The following NMT1 variants were observed in gnomAD, a reference collection of about 807,000 sequenced individuals.
NMT1 encodes N-myristoyltransferase 1.
In NMT1, 12 loss-of-function variants were observed where a neutral mutation model predicts 63.4. The ratio of observed to expected loss-of-function variants is 0.19; its 90% CI spans 0.12 to 0.31. The LOEUF (loss-of-function observed/expected upper bound fraction) is 0.31, where lower values mean the gene tolerates loss of function less well. Among genes scored for constraint, NMT1 ranks in the 10% least tolerant of loss-of-function variants. NMT1 has a pLI of 1.00. For synonymous variants in NMT1, 228 were observed against 234.3 expected, an observed-to-expected ratio of 0.97 and a Z score of 0.25; for missense variants, 432 against 634.6, an observed-to-expected ratio of 0.68 and a Z score of 3.43.
chr17:45,065,640 A>G (rs2053897727), intron 1 of NMT1, among the ~76,000 whole-genome samples: 2 of 151,158 alleles, frequency 1.3e-5, no homozygotes, highest in African/African-American at 2.4e-5. Flanking sequence ...AAAAAAAAAA[A>G]AAAAGAAATA....
At position 45,071,549 on chromosome 17, in the gene NMT1, T is replaced by C. The variant is rs115883865; in HGVS notation, c.131+10089T>C. 1.7e-3 allele frequency: 265 copies of C among 152,232 alleles called. 1 individual carries two copies. Among genetic ancestry groups the C allele is most frequent in the African/African-American group, 6.3e-3 (263 of 41,548 alleles). The allele number at this position is 152,232 out of a possible 1,614,324, so 9.4% of individuals were successfully genotyped here. ...CTTCACTTGACTAGCCTTTGAAAAA[T>C]AAAAGTAAAAAGCAAGTGGCCATGA... On this transcript the variant is annotated intron_variant, in intron 1 of 11. Transcript: ENST00000258960.
chr17:45,105,744 A>G lies in NMT1; in HGVS notation c.*105A>G. 1 of 1,164,350 alleles carries G rather than the reference A, an allele frequency of 8.6e-7. No homozygotes were observed. The highest frequency in any genetic ancestry group is 2.7e-4 in the Middle Eastern group (1 of 3,734). 72.1% of individuals were successfully genotyped at this position (1,164,350 alleles called of 1,614,324 possible). On this transcript the variant is annotated 3_prime_UTR_variant, in exon 12 of 12. Transcript: ENST00000258960. This position sits in a 1 kb window ranked among gnomAD's most constrained non-coding sequence, Gnocchi z 4.2. ...TTCACACACGTGAGAATCCCTGGCA[A>G]AGGGAGCAGAACTGAACCGGCTTTA...
In NMT1 at chr17:45,104,528, G is replaced by A. The variant is rs1237965238; in HGVS notation, c.1333-331G>A. On this transcript the variant is annotated intron_variant, in intron 10 of 11. Coordinates refer to ENST00000258960, the MANE Select transcript of NMT1 (RefSeq NM_021079.5). This position sits in a 1 kb window ranked among gnomAD's most constrained non-coding sequence, Gnocchi z 4.2. ...ACCAGAGCCAGCTTCTCAGAGGAAT[G>A]GGCTCAGGGTTTGGACTCCAGAGAG... 8.8e-7 allele frequency: 1 copy of A among 1,133,272 alleles called. No homozygotes were observed. Among genetic ancestry groups the A allele is most frequent in the African/African-American group, 1.6e-5 (1 of 62,940 alleles). The allele number at this position is 1,133,272 out of a possible 1,614,324, so 70.2% of individuals were successfully genotyped here.
At chr17:45,067,785 TAAAA>T (rs2053912361) in intron 1 of NMT1, among the ~76,000 whole-genome samples, 2 of 152,136 alleles carry the variant, frequency 1.3e-5, no homozygotes. Flanking sequence ...AAATGGCAAT[TAAAA>T]AGAAACTAAT....
At chr17:45,063,974 C>G (rs6503413) in intron 1 of NMT1, among the ~76,000 whole-genome samples, 1 of 151,740 alleles carries the variant, frequency 6.6e-6, no homozygotes, top group African/African-American at 2.4e-5. Context: ...ATCACGAGGT[C>G]AAGAGATTGA....
chr17:45,088,293 T>G (rs896913905), intron 3 of NMT1, among the ~76,000 whole-genome samples: 1 of 152,238 alleles, frequency 6.6e-6, no homozygotes, highest in Non-Finnish European at 1.5e-5. Context: ...GAGCCACACA[T>G]CTCACCTCTG....
chr17:45,073,432 TGTA>T (rs1402825162), intron 1 of NMT1, among the ~76,000 whole-genome samples: 1 of 150,354 alleles, frequency 6.7e-6, no homozygotes, highest in Admixed American at 6.7e-5. Context: ...AAAAAAAAGA[TGTA>T]GTCCCTATTC....
intron 3 of NMT1, among the ~76,000 whole-genome samples, chr17:45,090,606 G>A (rs1397425693): frequency 1.3e-5 from 2 of 152,088 alleles, no homozygotes; most frequent in Admixed American, 6.5e-5. Flanking sequence ...TTGGTTTAAT[G>A]TTTTCCGCAT....
intron 1 of NMT1, among the ~76,000 whole-genome samples, chr17:45,081,159 C>T (rs772710354): frequency 6.6e-6 from 1 of 152,198 alleles, no homozygotes; most frequent in Non-Finnish European, 1.5e-5. Context: ...CCTTTTCATA[C>T]TGTCTTGTGC....
At chr17:45,101,326 A>G (rs2054164265) in intron 8 of NMT1, among the ~76,000 whole-genome samples, 1 of 147,594 alleles carries the variant, frequency 6.8e-6, no homozygotes, top group Admixed American at 6.7e-5. Flanking sequence ...CCCAGTAGGG[A>G]TTCTTAAAAT....
At chr17:45,073,712 C>T (rs75223156) in intron 1 of NMT1, among the ~76,000 whole-genome samples, 5,153 of 152,218 alleles carry the variant, frequency 0.034, 297 homozygotes, top group African/African-American at 0.12. Context: ...TTACAGGGAA[C>T]GAAGCCATAG....
At position 45,096,283 on chromosome 17, in the gene NMT1, G is replaced by C; in HGVS notation, c.594G>C (p.Leu198Phe). 1 of 1,612,374 alleles carries C rather than the reference G, an allele frequency of 6.2e-7. No individual in the cohort carries two copies. Among genetic ancestry groups the C allele is most frequent in the Non-Finnish European group, 8.5e-7 (1 of 1,178,382 alleles). ...TTGATTATTCCCCGGAGTTTCTTTT[G>C]TGGTAAGTTGTGGGGGCTTTCTTGA... is the stretch of plus-strand genomic sequence containing the variant. ...FRFDYSPEFL[L>F]WALRPPGWLP... The change falls in exon 5 of 12, where the codon TTG becomes TTC. Residue 198 changes from leucine (L) to phenylalanine (F), a missense_variant and splice_region_variant. Around this residue, in one of 4 missense-constraint regions of NMT1, gnomAD observed 295 missense variants for 489.7 expected, o/e 0.60. Transcript: ENST00000258960.
chr17:45,100,478 G>C (rs2054154451), intron 8 of NMT1, among the ~76,000 whole-genome samples: 1 of 151,938 alleles, frequency 6.6e-6, no homozygotes, highest in Non-Finnish European at 1.5e-5. Context: ...TGAGGCAGGA[G>C]AATGGCATGG....
At chr17:45,097,790 A>G (rs999029575) in intron 6 of NMT1, among the ~76,000 whole-genome samples, 1 of 152,166 alleles carries the variant, frequency 6.6e-6, no homozygotes, top group Non-Finnish European at 1.5e-5. Context: ...GATTACAGGC[A>G]TGCGCCACCA....
intron 4 of NMT1, among the ~76,000 whole-genome samples, chr17:45,094,409 C>T (rs1456541841): frequency 6.6e-6 from 1 of 150,518 alleles, no homozygotes; most frequent in East Asian, 2.0e-4. Context: ...AGGAGAATCT[C>T]GTGAACCTGG....
intron 3 of NMT1, among the ~76,000 whole-genome samples, chr17:45,088,145 T>G (rs1250557534): frequency 6.6e-6 from 1 of 152,106 alleles, no homozygotes; most frequent in Non-Finnish European, 1.5e-5. Context: ...GGGTGCTGAT[T>G]CCCCCATCAC....
chr17:45,081,654 C>G lies in NMT1; in HGVS notation c.142C>G (p.Pro48Ala), dbSNP rs1192808116. The change falls in exon 2 of 12, where the codon CCA (proline) becomes GCA (alanine). Residue 48 changes from proline to alanine, a missense_variant. Coordinates refer to ENST00000258960, the MANE Select transcript of NMT1 (RefSeq NM_021079.5). ...TACTTTTTGTTACAGTGGTTTGAGT[C>G]CAGCCAATGACACTGGAGCCAAAAA... is the stretch of plus-strand genomic sequence containing the variant. ...DNSYNRGGLS[P>A]ANDTGAKKKK... 1.2e-6 allele frequency: 2 copies of G among 1,612,126 alleles called. No individual in the cohort carries two copies. The highest frequency in any genetic ancestry group is 1.7e-6 in the Non-Finnish European group (2 of 1,179,498).
In NMT1 at chr17:45,061,366, G is replaced by C. The variant is rs1424340537; in HGVS notation, c.37G>C (p.Ala13Pro). The change falls in exon 1 of 12, where the codon GCA (alanine) becomes CCA (proline). Residue 13 changes from alanine to proline, a missense_variant. By Grantham distance (27) the Ala-to-Pro change is conservative. Coordinates refer to ENST00000258960, the MANE Select transcript of NMT1 (RefSeq NM_021079.5). ...GAGTGAGACAGCAGTGAAGCCGCCG[G>C]CACCTCCGCTGCCGCAGATGATGGA... ...DESETAVKPP[A>P]PPLPQMMEGN... 1 of 1,613,994 alleles carries C rather than the reference G, an allele frequency of 6.2e-7. No homozygotes were observed. Among genetic ancestry groups the C allele is most frequent in the East Asian group, 2.2e-5 (1 of 44,884 alleles).
In NMT1 at chr17:45,105,062, G is replaced by T. The variant is rs1301216948; in HGVS notation, c.1470+66G>T. On this transcript the variant is annotated intron_variant, in intron 11 of 11. Coordinates refer to ENST00000258960, the MANE Select transcript of NMT1 (RefSeq NM_021079.5). This position sits in a 1 kb window ranked among gnomAD's most constrained non-coding sequence, Gnocchi z 4.2. ...GGTGTCCATGTCTCCAGCAGAAACC[G>T]GGCCATGGGTTGAGGAGACAGCCGC... The T allele has an allele frequency of 9.4e-6, 15 of 1,602,890 alleles. No homozygotes were observed. The highest frequency in any genetic ancestry group is 1.2e-5 in the Non-Finnish European group (14 of 1,173,346).
Sources: allele counts gnomAD v4.1 joint callset (sites outside exome capture counted in the v4.1 genomes callset), GRCh38; gene constraint gnomAD v4.1.1; regional missense constraint gnomAD v4.1.1; non-coding constraint Gnocchi (gnomAD v3.1); transcripts MANE v1.5; gene names NCBI Gene and HGNC (gene_info 2026-07-23, HGNC 2026-07-21).